The following MDGA2 variants were observed in gnomAD, a reference collection of about 807,000 sequenced individuals.
MDGA2 encodes the protein MAM domain containing glycosylphosphatidylinositol anchor 2, also known as MAM domain-containing glycosylphosphatidylinositol anchor protein 2.
A neutral mutation model predicts 117.8 loss-of-function variants in MDGA2; 40 were observed. The observed-to-expected ratio is 0.34, with a 90% confidence interval of 0.26 to 0.44. MDGA2 has a LOEUF of 0.44. Ranked by LOEUF, MDGA2 falls within the 20% of genes least tolerant of loss-of-function variation. The probability of loss-of-function intolerance (pLI) is 1.00; values close to 1 mark genes in which losing one functional copy is unlikely to be tolerated. For synonymous variants in MDGA2, 452 were observed against 439.0 expected (o/e 1.03, Z -0.37); for missense variants, 1,123 against 1,250.6 (o/e 0.90, Z 1.54).
At chr14:47,221,850 T>A (rs913089482) in intron 2 of MDGA2, among the ~76,000 whole-genome samples, 11 of 151,934 alleles carry the variant, frequency 7.2e-5, no homozygotes, top group Non-Finnish European at 1.6e-4. Context: ...TATATGTGTG[T>A]ATATATATTT....
At chr14:47,009,173 A>G (rs1209320236) in intron 8 of MDGA2, among the ~76,000 whole-genome samples, 1 of 152,074 alleles carries the variant, frequency 6.6e-6, no homozygotes, top group Non-Finnish European at 1.5e-5. Context: ...CACATTTTCC[A>G]CATAAATCAA....
At chr14:46,976,219 T>C (rs117163395) in intron 8 of MDGA2, among the ~76,000 whole-genome samples, 2,129 of 152,232 alleles carry the variant, frequency 0.014, 14 homozygotes, top group Non-Finnish European at 0.022. Context: ...AAATTTTATA[T>C]TATGTGTATT....
chr14:46,994,991 A>T (rs1479644342), intron 8 of MDGA2, among the ~76,000 whole-genome samples: 2 of 152,098 alleles, frequency 1.3e-5, no homozygotes, highest in Admixed American at 1.3e-4. Context: ...GGTCAATACC[A>T]ATATTAAAAT....
chr14:47,144,030 A>G, intron 4 of MDGA2, 48 bp downstream of exon 4: 1 of 1,346,064 alleles, frequency 7.4e-7, no homozygotes, highest in South Asian at 1.6e-5. Flanking sequence ...CTGAATTAGG[A>G]AAGTATCCTA....
rs1320701355 is a variant in MDGA2 at position 47,665,155 on chromosome 14, CTTCT to C, written c.280+9358_280+9361del. On this transcript the variant is annotated intron_variant, in intron 1 of 16. Transcript: ENST00000399232. ...CACACAATAGCAATGCCCTTTCTTC[CTTCT>C]TTATCTATATTATGCCTACCCACTT... is the stretch of plus-strand genomic sequence containing the variant. 1.9e-4 allele frequency among the ~76,000 whole-genome samples: 28 copies of C among 151,296 alleles called. 1 individual carries two copies. The highest frequency in any genetic ancestry group is 1.8e-3 in the Admixed American group (28 of 15,168).
intron 1 of MDGA2, among the ~76,000 whole-genome samples, chr14:47,478,185 T>C (rs145023403): frequency 1.3e-5 from 2 of 152,328 alleles, no homozygotes; most frequent in East Asian, 1.9e-4. Flanking sequence ...AGTAGAAATT[T>C]AGTCTTCAAT....
At chr14:47,261,953 T>A (rs1349106471) in intron 2 of MDGA2, among the ~76,000 whole-genome samples, 1 of 152,132 alleles carries the variant, frequency 6.6e-6, no homozygotes, top group Non-Finnish European at 1.5e-5. Context: ...CAACACTCAT[T>A]AAGTCTGTGA....
intron 7 of MDGA2, among the ~76,000 whole-genome samples, chr14:47,046,859 T>A (rs369951747): frequency 6.6e-6 from 1 of 152,034 alleles, no homozygotes; most frequent in Non-Finnish European, 1.5e-5. Flanking sequence ...TTAGAAATGG[T>A]GCCATGATTT....
intron 1 of MDGA2, among the ~76,000 whole-genome samples, chr14:47,411,904 C>G (rs567313716): frequency 3.9e-5 from 6 of 152,172 alleles, no homozygotes; most frequent in Non-Finnish European, 7.3e-5. Context: ...GCCAGATACT[C>G]TTGCAAATAT....
chr14:47,326,314 C>A (rs879392287), intron 1 of MDGA2, among the ~76,000 whole-genome samples: 1 of 152,016 alleles, frequency 6.6e-6, no homozygotes, highest in Non-Finnish European at 1.5e-5. Context: ...TTTACTCATA[C>A]CAATTTAATC....
At chr14:46,887,509 C>G (rs187130056) in intron 10 of MDGA2, among the ~76,000 whole-genome samples, 1 of 151,854 alleles carries the variant, frequency 6.6e-6, no homozygotes, top group Admixed American at 6.6e-5. Flanking sequence ...TGAAATTAAA[C>G]GCCAGCATAC....
intron 9 of MDGA2, among the ~76,000 whole-genome samples, chr14:46,956,113 G>A (rs1449801628): frequency 6.6e-6 from 1 of 152,108 alleles, no homozygotes; most frequent in South Asian, 2.1e-4. Context: ...CATAATTAGA[G>A]AGTTCCCTCA....
At chr14:47,585,780 A>C (rs1896313713) in intron 1 of MDGA2, among the ~76,000 whole-genome samples, 3 of 151,756 alleles carry the variant, frequency 2.0e-5, no homozygotes, top group African/African-American at 7.3e-5. Flanking sequence ...TATTTTCCTA[A>C]TATTCCTATG....
intron 2 of MDGA2, among the ~76,000 whole-genome samples, chr14:47,228,694 G>A (rs1020602072): frequency 1.3e-5 from 2 of 152,074 alleles, no homozygotes; most frequent in African/African-American, 4.8e-5. Flanking sequence ...TAATATTCAT[G>A]ACTATGACAT....
rs560940850 is a variant in MDGA2, at chr14:47,127,878, T to C, written c.925+3836A>G. 2.6e-5 allele frequency among the ~76,000 whole-genome samples: 4 copies of C among 152,222 alleles called. No individual in the cohort carries two copies. In the South Asian group the frequency reaches 8.3e-4, roughly 32 times the overall value. ...TCAGGAATTCTATCACTTTTCCTGG[T>C]AATCTTCCCCTTTTGGCTTTAAGGT... On this transcript the variant is annotated intron_variant, in intron 5 of 16. Coordinates refer to ENST00000399232, the MANE Select transcript of MDGA2 (RefSeq NM_001113498.3).
intron 1 of MDGA2, among the ~76,000 whole-genome samples, chr14:47,424,742 C>T (rs1892650464): frequency 6.6e-6 from 1 of 152,166 alleles, no homozygotes; most frequent in African/African-American, 2.4e-5. Flanking sequence ...GGTAACTGAT[C>T]TCTTCATGTT....
intron 3 of MDGA2, among the ~76,000 whole-genome samples, chr14:47,217,442 A>G (rs1385111457): frequency 6.6e-6 from 1 of 152,018 alleles, no homozygotes; most frequent in Non-Finnish European, 1.5e-5. Flanking sequence ...TGAGACTAAG[A>G]ACAAAAATAA....
At chr14:47,412,288 A>AT (rs1892390048) in intron 1 of MDGA2, among the ~76,000 whole-genome samples, 1 of 152,122 alleles carries the variant, frequency 6.6e-6, no homozygotes, top group Non-Finnish European at 1.5e-5. Context: ...ATTTCCTTTT[A>AT]TTTTTTTCAA....
At chr14:47,598,839 T>C (rs1332361161) in intron 1 of MDGA2, among the ~76,000 whole-genome samples, 3 of 152,084 alleles carry the variant, frequency 2.0e-5, no homozygotes, top group Admixed American at 1.3e-4. Flanking sequence ...GTATGTTCTA[T>C]GTATTTCAAG....
Sources: allele counts gnomAD v4.1 joint callset (sites outside exome capture counted in the v4.1 genomes callset), GRCh38; gene constraint gnomAD v4.1.1; transcripts MANE v1.5; gene names NCBI Gene and HGNC (gene_info 2026-07-23, HGNC 2026-07-21).